The following SLC39A9 variants were observed in gnomAD, a reference collection of about 807,000 sequenced individuals.
SLC39A9 encodes the protein zinc transporter ZIP9.
SLC39A9 carries 14 observed loss-of-function variants against 28.4 expected under a neutral mutation model. The ratio of observed to expected loss-of-function variants is 0.49; its 90% CI spans 0.33 to 0.77. The LOEUF is 0.77. Ranked by LOEUF, SLC39A9 falls within the 30% of genes least tolerant of loss-of-function variation. SLC39A9 has a pLI of 0.02. For missense variants in SLC39A9, 283 were observed against 381.1 expected (o/e 0.74, Z 2.14); for synonymous variants, 119 against 149.6 (o/e 0.80, Z 1.49).
In SLC39A9 at chr14:69,461,446, C is replaced by T. The variant is rs894503111; in HGVS notation, c.*2853C>T. The T allele has an allele frequency of 1.6e-5, 21 of 1,337,720 alleles. No homozygotes were observed. Among genetic ancestry groups the T allele is most frequent in the Middle Eastern group, 5.7e-4 (2 of 3,482 alleles). The allele number at this position is 1,337,720 out of a possible 1,614,324, so 82.9% of individuals were successfully genotyped here. A position where few individuals can be genotyped will look rare whatever the true frequency, so the allele number is the denominator to read the frequency against. On this transcript the variant is annotated 3_prime_UTR_variant, in exon 7 of 7. Coordinates refer to ENST00000336643, the MANE Select transcript of SLC39A9 (RefSeq NM_018375.5). ...TTTTAGCAAAGATTCTGCACTGGAA[C>T]GTAGACAGTTGGAAACAGTACTACC...
chr14:69,431,952 A>C (rs1336707173), intron 2 of SLC39A9, among the ~76,000 whole-genome samples: 1 of 152,202 alleles, frequency 6.6e-6, no homozygotes, highest in African/African-American at 2.4e-5. Context: ...TTCTTTATCC[A>C]GTCCACCGTT....
chr14:69,458,624 G>T lies in SLC39A9; in HGVS notation c.*31G>T. On this transcript the variant is annotated 3_prime_UTR_variant, in exon 7 of 7. Coordinates refer to ENST00000336643, the MANE Select transcript of SLC39A9 (RefSeq NM_018375.5). ...CAAGGTCCAGCCTTGGTCCAGGGCC[G>T]TTTGCCATCCAGTGAGAACAGCCGG... is the stretch of plus-strand genomic sequence containing the variant. The T allele has an allele frequency of 6.4e-7, 1 of 1,556,526 alleles. No individual in the cohort carries two copies.
upstream of SLC39A9, chr14:69,398,502 G>C (rs1297532549): frequency 1.7e-6 from 1 of 576,598 alleles, no homozygotes; most frequent in African/African-American, 1.9e-5. Context: ...TCAAGACGCT[G>C]TCTTCCGTAC....
intron 3 of SLC39A9, among the ~76,000 whole-genome samples, chr14:69,450,333 GC>G (rs1318998503): frequency 1.3e-5 from 2 of 152,052 alleles, no homozygotes; most frequent in African/African-American, 2.4e-5. Context: ...TGATGAAATG[GC>G]CACTTCACTT....
chr14:69,454,457 T>C (rs907301586), intron 4 of SLC39A9, among the ~76,000 whole-genome samples: 3 of 152,222 alleles, frequency 2.0e-5, no homozygotes, highest in African/African-American at 7.2e-5. Context: ...TTTGAAATTC[T>C]TCTTTGGTAT....
At chr14:69,427,192 C>A (rs553998506) in intron 2 of SLC39A9, among the ~76,000 whole-genome samples, 2 of 151,806 alleles carry the variant, frequency 1.3e-5, no homozygotes, top group African/African-American at 4.8e-5. Flanking sequence ...TTTATGGAGA[C>A]AGGATTTCAC....
intron 1 of SLC39A9, among the ~76,000 whole-genome samples, chr14:69,423,267 ATATT>A (rs1884000061): frequency 6.6e-6 from 1 of 152,116 alleles, no homozygotes; most frequent in Non-Finnish European, 1.5e-5. Context: ...ATCCATTAAC[ATATT>A]TATTTCTTAA....
chr14:69,459,807 G>C lies in SLC39A9; in HGVS notation c.*1214G>C, dbSNP rs1886039891. 1.0e-6 allele frequency: 1 copy of C among 985,116 alleles called. No homozygotes were observed. Among genetic ancestry groups the C allele is most frequent in the African/African-American group, 1.7e-5 (1 of 57,158 alleles). The allele number at this position is 985,116 out of a possible 1,614,324, so 61.0% of individuals were successfully genotyped here. On this transcript the variant is annotated 3_prime_UTR_variant, in exon 7 of 7. Transcript: ENST00000336643. The stretch of plus-strand genomic sequence containing the variant: ...TCGCCACAATTTGCTGCTTACTGCT[G>C]GTGTTAATATTTGTGTGGGATGAAT...
intron 3 of SLC39A9, among the ~76,000 whole-genome samples, chr14:69,443,269 G>A (rs1885133241): frequency 6.6e-6 from 1 of 152,228 alleles, no homozygotes; most frequent in African/African-American, 2.4e-5. Context: ...ATATTGGAAA[G>A]CAGCATAAGT....
chr14:69,399,139 G>T lies in SLC39A9; in HGVS notation c.-231G>T, dbSNP rs1882477648. 3.0e-5 allele frequency: 15 copies of T among 504,762 alleles called. No homozygotes were observed. Among genetic ancestry groups the T allele is most frequent in the South Asian group, 2.9e-4 (11 of 37,938 alleles). The allele number at this position is 504,762 out of a possible 1,614,324, so 31.3% of individuals were successfully genotyped here. ...TGGCATCTGAGAACCCAGAGCCTGG[G>T]ACCTTAGATTGCTGTAAGCTTTCTC... On this transcript the variant is annotated 5_prime_UTR_variant, in exon 1 of 7. Transcript: ENST00000336643.
chr14:69,415,846 T>C (rs1169050117), intron 1 of SLC39A9, among the ~76,000 whole-genome samples: 1 of 152,120 alleles, frequency 6.6e-6, no homozygotes, highest in Admixed American at 6.5e-5. Context: ...CTAGTTAGGC[T>C]CCCAGCCCCT....
rs184036374 is a variant in SLC39A9 at position 69,433,320 on chromosome 14, G to T, written c.206-8749G>T. ...TTATTATATATAATTCTTTTTATAT[G>T]CTGCTGGATTCAATTTACTAATATT... On this transcript the variant is annotated intron_variant, in intron 2 of 6. Coordinates refer to ENST00000336643, the MANE Select transcript of SLC39A9 (RefSeq NM_018375.5). Among the ~76,000 whole-genome samples the T allele has an allele frequency of 3.6e-3, 554 of 152,180 alleles. 3 individuals are homozygous for T. Among genetic ancestry groups the T allele is most frequent in the African/African-American group, 0.012 (499 of 41,536 alleles).
chr14:69,455,422 G>GTTCA (rs1303696621), intron 5 of SLC39A9, among the ~76,000 whole-genome samples: 1 of 152,040 alleles, frequency 6.6e-6, no homozygotes, highest in Non-Finnish European at 1.5e-5. Context: ...CGCCTCCTGG[G>GTTCA]TTCAAGCGAT....
chr14:69,460,454 G>A lies in SLC39A9; in HGVS notation c.*1861G>A, dbSNP rs973711541. The A allele has an allele frequency of 6.1e-6, 6 of 985,368 alleles. No homozygotes were observed. In the African/African-American group the frequency reaches 8.7e-5, roughly 14 times the overall value. 61.0% of individuals were successfully genotyped at this position (985,368 alleles called of 1,614,324 possible). A position where few individuals can be genotyped will look rare whatever the true frequency, so the allele number is the denominator to read the frequency against. The stretch of plus-strand genomic sequence containing the variant: ...GATTGGATGTTAACAGCTGACTGGT[G>A]TGAGACTTGAGGTTTCATCTAGTCC... On this transcript the variant is annotated 3_prime_UTR_variant, in exon 7 of 7. Coordinates refer to ENST00000336643, the MANE Select transcript of SLC39A9 (RefSeq NM_018375.5).
chr14:69,429,292 A>G (rs1195102916), intron 2 of SLC39A9: 1 of 150,538 alleles, frequency 6.6e-6, no homozygotes, highest in Non-Finnish European at 1.5e-5. Flanking sequence ...TTTTAATTCC[A>G]TTTTTCCACA....
intron 1 of SLC39A9, among the ~76,000 whole-genome samples, chr14:69,401,278 G>T (rs964714716): frequency 1.3e-5 from 2 of 152,128 alleles, no homozygotes; most frequent in Non-Finnish European, 2.9e-5. Context: ...CAGCTGTTAG[G>T]CACAGTCCTC....
At chr14:69,429,569 T>C (rs1332517984) in intron 2 of SLC39A9, 2 of 152,162 alleles carry the variant, frequency 1.3e-5, no homozygotes, top group Admixed American at 1.3e-4. Context: ...TTACAAAAAA[T>C]TAGCCACGCA....
chr14:69,427,441 AT>A (rs1466636613), intron 2 of SLC39A9, among the ~76,000 whole-genome samples: 1 of 152,218 alleles, frequency 6.6e-6, no homozygotes, highest in African/African-American at 2.4e-5. Flanking sequence ...TTTTTAAAAA[AT>A]ATTTTCATTT....
intron 6 of SLC39A9, 132 bp from the exon 7 acceptor site, chr14:69,458,231 G>C (rs1201552391): frequency 9.3e-7 from 1 of 1,079,524 alleles, no homozygotes; most frequent in Non-Finnish European, 1.3e-6. Context: ...TAAAGTTGCT[G>C]TGTTCTCTAG....
Sources: gnomAD v4.1 joint callset for allele counts (sites outside exome capture counted in the v4.1 genomes callset) on GRCh38, gnomAD v4.1.1 for gene constraint, MANE v1.5 for transcripts, NCBI Gene and HGNC (gene_info 2026-07-23, HGNC 2026-07-21) for gene names.